The following NAALADL2 variants were observed in gnomAD, a reference collection of about 807,000 sequenced individuals.
NAALADL2 encodes the protein inactive N-acetylated-alpha-linked acidic dipeptidase-like protein 2.
NAALADL2 carries 76 observed loss-of-function variants against 87.2 expected under a neutral mutation model. The observed-to-expected ratio is 0.87, with a 90% CI of 0.72 to 1.05. The LOEUF is 1.05. Ranked by LOEUF, NAALADL2 falls within the 50% of genes least tolerant of loss-of-function variation. The pLI is 0.00. For synonymous variants in NAALADL2, 354 were observed against 331.0 expected (o/e 1.07, Z -0.75); for missense variants, 1,089 against 945.8 (o/e 1.15, Z -1.99).
intron 2 of NAALADL2, among the ~76,000 whole-genome samples, chr3:174,661,268 C>T (rs1315594876): frequency 6.6e-6 from 1 of 152,056 alleles, no homozygotes; most frequent in Admixed American, 6.6e-5. Flanking sequence ...GGCTTCCATT[C>T]TTAGAAAATA....
chr3:174,629,214 A>G (rs1387110116), intron 2 of NAALADL2, among the ~76,000 whole-genome samples: 7 of 152,184 alleles, frequency 4.6e-5, no homozygotes, highest in African/African-American at 1.4e-4. Context: ...GTAGAAAGAA[A>G]TACTAGAAAC....
intron 10 of NAALADL2, among the ~76,000 whole-genome samples, chr3:175,606,057 C>T (rs1435708821): frequency 6.6e-6 from 1 of 152,112 alleles, no homozygotes; most frequent in East Asian, 1.9e-4. Context: ...CTGTTCTTTA[C>T]ATCACTACGA....
chr3:174,641,201 A>ACCTG, intron 2 of NAALADL2, among the ~76,000 whole-genome samples: 1 of 152,222 alleles, frequency 6.6e-6, no homozygotes, highest in African/African-American at 2.4e-5. Context: ...GCTGCAAGAG[A>ACCTG]TGGATTCTGC....
chr3:175,727,130 G>C (rs1743043963), intron 11 of NAALADL2, among the ~76,000 whole-genome samples: 1 of 152,070 alleles, frequency 6.6e-6, no homozygotes, highest in African/African-American at 2.4e-5. Context: ...GAGAGCCTTT[G>C]CATGATCTGT....
intron 5 of NAALADL2, among the ~76,000 whole-genome samples, chr3:175,432,187 CAAT>C (rs1253919992): frequency 6.6e-6 from 1 of 151,882 alleles, no homozygotes; most frequent in Non-Finnish European, 1.5e-5. Context: ...AAGAAGATAA[CAAT>C]AACTAGTTTG....
chr3:174,808,575 A>G lies in NAALADL2; in HGVS notation c.-9+70829A>G, dbSNP rs1277843610. 2.6e-5 allele frequency among the ~76,000 whole-genome samples: 4 copies of G among 152,182 alleles called. No homozygotes were observed. The East Asian group carries it at 7.7e-4, about 29-fold the overall frequency. On this transcript the variant is annotated intron_variant, in intron 3 of 3. Coordinates refer to the NAALADL2 transcript ENST00000434257. The stretch of plus-strand genomic sequence containing the variant: ...CAACTGCTATTTTTAAATAAGTATA[A>G]TAAACTGTTTGAACATGCTGAGATT...
intron 13 of NAALADL2, among the ~76,000 whole-genome samples, chr3:175,758,558 TGATA>T (rs1287122534): frequency 3.5e-4 from 53 of 152,152 alleles, no homozygotes; most frequent in African/African-American, 1.3e-3. Flanking sequence ...TGTTTTTTCT[TGATA>T]GATAATTCAC....
intron 5 of NAALADL2, among the ~76,000 whole-genome samples, chr3:175,350,562 G>A (rs1763653149): frequency 6.6e-6 from 1 of 152,138 alleles, no homozygotes; most frequent in Non-Finnish European, 1.5e-5. Flanking sequence ...CACTGATGCA[G>A]CCATATCTAC....
chr3:175,537,604 T>C (rs1330580783), intron 9 of NAALADL2, among the ~76,000 whole-genome samples: 1 of 152,172 alleles, frequency 6.6e-6, no homozygotes, highest in Admixed American at 6.5e-5. Flanking sequence ...TAATTTAAGA[T>C]ACAGATTCAG....
chr3:174,525,783 A>G (rs756444718), intron 1 of NAALADL2, among the ~76,000 whole-genome samples: 1 of 152,182 alleles, frequency 6.6e-6, no homozygotes, highest in Non-Finnish European at 1.5e-5. Flanking sequence ...TTATCATAGC[A>G]ATGCTTTCAT....
chr3:175,703,093 T>G (rs1314936674), intron 11 of NAALADL2, among the ~76,000 whole-genome samples: 1 of 152,168 alleles, frequency 6.6e-6, no homozygotes, highest in Non-Finnish European at 1.5e-5. Flanking sequence ...TTAGAAAACA[T>G]TCCACTGGAG....
intron 1 of NAALADL2, among the ~76,000 whole-genome samples, chr3:175,052,044 T>C (rs1755465286): frequency 6.6e-6 from 1 of 152,222 alleles, no homozygotes; most frequent in South Asian, 2.1e-4. Context: ...AACAGAGATT[T>C]ACCTATGTCT....
intron 1 of NAALADL2, among the ~76,000 whole-genome samples, chr3:175,017,785 T>C (rs1751043530): frequency 6.6e-6 from 1 of 152,088 alleles, no homozygotes; most frequent in Non-Finnish European, 1.5e-5. Context: ...CTGAAGCATT[T>C]TTCTACTGTC....
chr3:175,059,400 C>T (rs980057154), intron 1 of NAALADL2: 1 of 156,106 alleles, frequency 6.4e-6, no homozygotes, highest in Non-Finnish European at 1.4e-5. Context: ...TACACAGAAT[C>T]CTCAAAAGCA....
intron 1 of NAALADL2, among the ~76,000 whole-genome samples, chr3:174,882,392 C>T (rs1378041606): frequency 6.6e-6 from 1 of 150,382 alleles, no homozygotes; most frequent in Non-Finnish European, 1.5e-5. Flanking sequence ...TCTAGAGGAA[C>T]GGAACTAATA....
chr3:175,292,596 A>G lies in NAALADL2; in HGVS notation c.940-31579A>G, dbSNP rs1237322402. ...GCAGTCTGATTGTGAGTTGGGATAC[A>G]CACACACACACACACACACACACAC... On this transcript the variant is annotated intron_variant, in intron 4 of 13. Transcript: ENST00000454872. Among the ~76,000 whole-genome samples the G allele has an allele frequency of 2.1e-5, 3 of 140,112 alleles. No individual in the cohort carries two copies. The East Asian group carries it at 5.9e-4, about 27-fold the overall frequency. 91.9% of individuals were successfully genotyped at this position (140,112 alleles called of 152,430 possible).
At chr3:174,893,174 T>G (rs1442143047) in intron 1 of NAALADL2, among the ~76,000 whole-genome samples, 1 of 152,060 alleles carries the variant, frequency 6.6e-6, no homozygotes, top group Non-Finnish European at 1.5e-5. Flanking sequence ...GGACAAAAAC[T>G]TTTAAACTAG....
rs1757379005 is a variant in NAALADL2 at position 175,303,871 on chromosome 3, C to T, written c.940-20304C>T. On this transcript the variant is annotated intron_variant, in intron 4 of 13. Coordinates refer to ENST00000454872, the MANE Select transcript of NAALADL2 (RefSeq NM_207015.3). The stretch of plus-strand genomic sequence containing the variant: ...TTGCCTTACATTACTAGAGTCCTTT[C>T]TAGAAGTTATATGAAGCCAATAGGA... Among the ~76,000 whole-genome samples the T allele has an allele frequency of 2.0e-5, 3 of 152,152 alleles. No individual in the cohort carries two copies. The South Asian group carries it at 6.2e-4, about 31-fold the overall frequency.
chr3:175,120,611 A>ATGT (rs981892566), intron 2 of NAALADL2, among the ~76,000 whole-genome samples: 1 of 151,858 alleles, frequency 6.6e-6, no homozygotes, highest in African/African-American at 2.4e-5. Context: ...TAATAATTGC[A>ATGT]TGTTACAATG....
Sources: gnomAD v4.1 joint callset for allele counts (sites outside exome capture counted in the v4.1 genomes callset) on GRCh38, gnomAD v4.1.1 for gene constraint, MANE v1.5 for transcripts, NCBI Gene and HGNC (gene_info 2026-07-23, HGNC 2026-07-21) for gene names.